Variants in BRI3BP observed in about 807,000 individuals in gnomAD.
BRI3BP encodes the protein BRI3-binding protein.
A neutral mutation model predicts 15.8 loss-of-function variants in BRI3BP; 7 were observed. That is an observed-to-expected ratio of 0.44 (90% CI 0.25 to 0.83). The LOEUF is 0.83. Ranked by LOEUF, BRI3BP falls within the 40% of genes least tolerant of loss-of-function variation. The probability of loss-of-function intolerance (pLI) is 0.20; values close to 1 mark genes in which losing one functional copy is unlikely to be tolerated. For missense variants in BRI3BP, 320 were observed against 339.3 expected, an observed-to-expected ratio of 0.94 and a Z score of 0.45; for synonymous variants, 192 against 163.5, an observed-to-expected ratio of 1.17 and a Z score of -1.33.
intron 1 of BRI3BP, among the ~76,000 whole-genome samples, chr12:124,994,900 TG>T (rs1459072961): frequency 4.6e-5 from 7 of 152,170 alleles, no homozygotes; most frequent in South Asian, 2.1e-4. Context: ...TGGATGACTT[TG>T]GGGAAGTGAC....
In BRI3BP at chr12:125,028,639, T is replaced by G. The variant is rs1358168798; in HGVS notation, c.*3209T>G. The G allele has an allele frequency of 6.6e-6, 1 of 152,196 alleles. No individual in the cohort carries two copies. The highest frequency in any genetic ancestry group is 6.5e-5 in the Admixed American group (1 of 15,282). 9.4% of individuals were successfully genotyped at this position (152,196 alleles called of 1,614,324 possible). ...CTCAGGGTAGAAATTCTGATAGAAA[T>G]TCTGATTATTTGAAACTCTGATAGA... On this transcript the variant is annotated 3_prime_UTR_variant, in exon 3 of 3. Transcript: ENST00000341446.
chr12:125,041,846 T>G, the BRI3BP span, among the ~76,000 whole-genome samples: 1 of 152,180 alleles, frequency 6.6e-6, no homozygotes, highest in Non-Finnish European at 1.5e-5. Context: ...GTGTGCACTG[T>G]CACACCTGGC....
chr12:125,049,920 T>G, the BRI3BP span, among the ~76,000 whole-genome samples: 1 of 152,090 alleles, frequency 6.6e-6, no homozygotes, highest in South Asian at 2.1e-4. Context: ...CCCGTGGGGT[T>G]GACTTGGGCG....
intron 1 of BRI3BP, among the ~76,000 whole-genome samples, chr12:125,000,284 A>C (rs371735214): frequency 1.4e-5 from 2 of 147,084 alleles, no homozygotes; most frequent in African/African-American, 2.5e-5. Flanking sequence ...AAAAATTACC[A>C]CAGTTAAGAT....
At chr12:125,044,641 G>A in the BRI3BP span, among the ~76,000 whole-genome samples, 1 of 152,138 alleles carries the variant, frequency 6.6e-6, no homozygotes, top group Non-Finnish European at 1.5e-5. Context: ...GCAGAGATGG[G>A]GTTTCACCAT....
chr12:125,002,467 T>G (rs1291474357), intron 1 of BRI3BP, among the ~76,000 whole-genome samples: 1 of 151,116 alleles, frequency 6.6e-6, no homozygotes, highest in African/African-American at 2.4e-5. Flanking sequence ...TTTTGTTTTT[T>G]TTTTTTTTGA....
intron 2 of BRI3BP, among the ~76,000 whole-genome samples, chr12:125,013,109 T>C (rs1392713849): frequency 2.0e-5 from 3 of 151,968 alleles, no homozygotes; most frequent in Non-Finnish European, 4.4e-5. Context: ...AAAAAACAAA[T>C]GGCCCATCAA....
At chr12:125,042,301 C>A in the BRI3BP span, among the ~76,000 whole-genome samples, 1 of 152,114 alleles carries the variant, frequency 6.6e-6, no homozygotes, top group Non-Finnish European at 1.5e-5. Flanking sequence ...TTACCCTCTT[C>A]CCACTTGGTA....
chr12:125,017,021 TA>T lies in BRI3BP; in HGVS notation c.316+4386del, dbSNP rs201291718. On this transcript the variant is annotated intron_variant, in intron 2 of 2. Transcript: ENST00000341446. The stretch of plus-strand genomic sequence containing the variant: ...TGGCTAACGTTTGTATTATTATTAT[TA>T]TTTTTTTTTTTCTGAGACCGAGTAT... 4.7e-3 allele frequency among the ~76,000 whole-genome samples: 678 copies of T among 144,388 alleles called. 10 individuals carry two copies. Among genetic ancestry groups the T allele is most frequent in the South Asian group, 0.015 (70 of 4,588 alleles). 94.7% of individuals were successfully genotyped at this position (144,388 alleles called of 152,430 possible).
chr12:125,030,864 G>T lies in BRI3BP; in HGVS notation c.*5434G>T, dbSNP rs530638787. 1.1e-4 allele frequency: 17 copies of T among 152,228 alleles called. No individual in the cohort carries two copies. The East Asian group carries it at 3.3e-3, about 29-fold the overall frequency. 9.4% of individuals were successfully genotyped at this position (152,228 alleles called of 1,614,324 possible). On this transcript the variant is annotated 3_prime_UTR_variant, in exon 3 of 3. Coordinates refer to ENST00000341446, the MANE Select transcript of BRI3BP (RefSeq NM_080626.6). ...CATTATCAACAGTGGATTCATGATT[G>T]ACTTCATATTTTGTGTATCTGGTTA...
Position 125,012,651 on chromosome 12 carries a change from G to A in BRI3BP, c.316+15G>A. 1 of 1,555,612 alleles carries A rather than the reference G, an allele frequency of 6.4e-7. No homozygotes were observed. The highest frequency in any genetic ancestry group is 8.9e-7 in the Non-Finnish European group (1 of 1,127,014). Reference sequence around the variant, plus strand: ...TGGACTTGACGGTAGGTGTAGGGGTGGCATTCACGTAAGGTGTCATTCTAT... The same window carrying A: ...TGGACTTGACGGTAGGTGTAGGGGTAGCATTCACGTAAGGTGTCATTCTAT... On this transcript the variant is annotated intron_variant, in intron 2 of 2. Transcript: ENST00000341446.
chr12:125,032,072 G>A (rs998876712), downstream of BRI3BP, among the ~76,000 whole-genome samples: 10 of 151,962 alleles, frequency 6.6e-5, no homozygotes, highest in Non-Finnish European at 1.3e-4. Flanking sequence ...ACTGGAGGAC[G>A]TGCAGTAGGT....
chr12:125,022,547 T>TATTTTTTTTTTTTTTTTTTTA (rs1955309594), intron 2 of BRI3BP, among the ~76,000 whole-genome samples: 1 of 151,690 alleles, frequency 6.6e-6, no homozygotes, highest in African/African-American at 2.4e-5. Flanking sequence ...ATTTATTTTT[T>TATTTTTTTTTTTTTTTTTTTA]GAGACAGAGC....
chr12:125,023,411 A>G (rs1339154469), intron 2 of BRI3BP, among the ~76,000 whole-genome samples: 1 of 152,194 alleles, frequency 6.6e-6, no homozygotes, highest in Non-Finnish European at 1.5e-5. Context: ...AAGCTTAGTT[A>G]TGTAGCTGCA....
At chr12:125,013,463 G>T (rs936535643) in intron 2 of BRI3BP, among the ~76,000 whole-genome samples, 13 of 152,354 alleles carry the variant, frequency 8.5e-5, no homozygotes, top group African/African-American at 2.2e-4. Context: ...GCATGTGGGT[G>T]CAGGGACCCT....
intron 1 of BRI3BP, among the ~76,000 whole-genome samples, chr12:125,005,905 G>A (rs1210374723): frequency 2.0e-5 from 3 of 152,010 alleles, no homozygotes; most frequent in Non-Finnish European, 4.4e-5. Context: ...CAGCCCAGTC[G>A]CCTAAACAGC....
chr12:125,024,992 C>G lies in BRI3BP; in HGVS notation c.318C>G (p.Val106=), dbSNP rs749812086. The change falls in exon 3 of 3, where the codon GTC becomes GTG. Residue 106 remains valine (V), a splice_region_variant and synonymous_variant. Transcript: ENST00000341446. ...CTGTTCCTCTTTTCTGTCCCGCAGT[C>G]TCCAACCTGTCCCAGTATTTCAGCC... is the stretch of plus-strand genomic sequence containing the variant. ...TELLDVLGLD[V]SNLSQYFSPA... is the part of the protein sequence containing the mutation. The G allele has an allele frequency of 1.9e-6, 3 of 1,611,416 alleles. No individual in the cohort carries two copies. The highest frequency in any genetic ancestry group is 2.5e-6 in the Non-Finnish European group (3 of 1,178,674).
downstream of BRI3BP, among the ~76,000 whole-genome samples, chr12:125,034,000 TC>T (rs1339982367): frequency 6.6e-6 from 1 of 152,170 alleles, no homozygotes; most frequent in Non-Finnish European, 1.5e-5. Flanking sequence ...TGCCTCGGCC[TC>T]CCAAAGTGTT....
chr12:124,994,037 C>T, intron 1 of BRI3BP, 34 bp downstream of exon 1: 3 of 1,251,746 alleles, frequency 2.4e-6, no homozygotes, highest in South Asian at 2.2e-5. Flanking sequence ...GGTCACCTTG[C>T]CCCGGTCGCC....
Sources: allele counts gnomAD v4.1 joint callset (sites outside exome capture counted in the v4.1 genomes callset), GRCh38; gene constraint gnomAD v4.1.1; transcripts MANE v1.5; gene names NCBI Gene and HGNC (gene_info 2026-07-23, HGNC 2026-07-21).